PDE5A: variants seen among roughly 807,000 people sequenced by gnomAD.
PDE5A encodes cGMP-specific 3',5'-cyclic phosphodiesterase.
Under a neutral mutation model 110.2 loss-of-function variants are expected in PDE5A, and 67 were observed. That is an observed-to-expected ratio of 0.61 (90% confidence interval 0.50 to 0.75). The LOEUF (loss-of-function observed/expected upper bound fraction) is 0.75. Among genes scored for constraint, PDE5A ranks in the 30% least tolerant of loss-of-function variants. The pLI, the probability that PDE5A is intolerant of heterozygous loss-of-function variation, is 0.00. For missense variants in PDE5A, 862 were observed against 1,045.1 expected, an observed-to-expected ratio of 0.82 and a Z score of 2.42; for synonymous variants, 328 against 351.2, an observed-to-expected ratio of 0.93 and a Z score of 0.74.
chr4:119,599,229 G>A (rs962474149), intron 2 of PDE5A, among the ~76,000 whole-genome samples: 6 of 152,040 alleles, frequency 3.9e-5, no homozygotes, highest in African/African-American at 1.4e-4. Flanking sequence ...CTTTTTTAAA[G>A]GAAGAGGATA....
intron 4 of PDE5A, among the ~76,000 whole-genome samples, chr4:119,566,276 T>C (rs1015881068): frequency 1.5e-4 from 23 of 152,254 alleles, no homozygotes; most frequent in Non-Finnish European, 2.5e-4. Context: ...GCCTATAGCA[T>C]AGAGATAAAA....
rs149425806 is a variant in PDE5A, at chr4:119,600,203, G to C, written c.742-3591C>G. On this transcript the variant is annotated intron_variant, in intron 2 of 20. Transcript: ENST00000354960. ...ACATGAGTATATATATATATAAAAA[G>C]AGTAAGGAAGCCTAGTCTTTCATTT... 4.0e-3 allele frequency among the ~76,000 whole-genome samples: 599 copies of C among 149,704 alleles called. 5 individuals carry two copies. Among genetic ancestry groups the C allele is most frequent in the African/African-American group, 0.013 (548 of 41,036 alleles).
At position 119,525,780 on chromosome 4, in the gene PDE5A, A is replaced by G. The variant is rs1051353948; in HGVS notation, c.1633-85T>C. ...AGGTTTTCTTGTTTTGCTGCAGAGA[A>G]ATAGCATATTGTGGCTTTTTTTTCC... On this transcript the variant is annotated intron_variant, in intron 11 of 20. Transcript: ENST00000354960. This position sits in a 1 kb window ranked among gnomAD's most constrained non-coding sequence, Gnocchi z 4.3. The G allele has an allele frequency of 2.9e-6, 4 of 1,366,152 alleles. No homozygotes were observed. Among genetic ancestry groups the G allele is most frequent in the Non-Finnish European group, 4.0e-6 (4 of 995,076 alleles). The allele number at this position is 1,366,152 out of a possible 1,614,324, so 84.6% of individuals were successfully genotyped here. A position where few individuals can be genotyped will look rare whatever the true frequency, so the allele number is the denominator to read the frequency against.
At chr4:119,620,034 G>A (rs982621015) in intron 1 of PDE5A, among the ~76,000 whole-genome samples, 3 of 152,140 alleles carry the variant, frequency 2.0e-5, no homozygotes, top group African/African-American at 7.2e-5. Context: ...GGTGGCCCTG[G>A]CATTTAGTGT....
At chr4:119,578,342 G>A (rs566953224) in intron 3 of PDE5A, among the ~76,000 whole-genome samples, 3,159 of 151,882 alleles carry the variant, frequency 0.021, 49 homozygotes, top group Middle Eastern at 0.037. Flanking sequence ...AACTACTTTA[G>A]AGTTCATATG....
In PDE5A at chr4:119,506,399, G is replaced by T. The variant is rs1725554545; in HGVS notation, c.2190-467C>A. Among the ~76,000 whole-genome samples, 5 of 151,812 alleles carry T rather than the reference G, an allele frequency of 3.3e-5. No individual in the cohort carries two copies. The South Asian group carries it at 1.0e-3, about 32-fold the overall frequency. ...TAAAGTTTAAAATAAAATAATATTT[G>T]TTATTATTCAGTGAATATAATAATA... On this transcript the variant is annotated intron_variant, in intron 16 of 20. Coordinates refer to ENST00000354960, the MANE Select transcript of PDE5A (RefSeq NM_001083.4).
Position 119,519,087 on chromosome 4 carries a change from T to A in PDE5A, c.1958A>T (p.His653Leu). Reference protein sequence around the residue: ...ILALLIAALSHDLDHRGVNNS... With the variant: ...ILALLIAALSLDLDHRGVNNS... ...ATTCACACCACGGTGATCCAAATCG[T>A]GGCTTAGTGCAGCAATCAGCAATGC... The change falls in exon 14 of 21, where the codon CAC becomes CTC. Residue 653 changes from histidine to leucine, a missense_variant. His to Leu is a moderately conservative substitution (Grantham distance 99). Transcript: ENST00000354960. The A allele has an allele frequency of 6.2e-7, 1 of 1,613,914 alleles. No homozygotes were observed. The highest frequency in any genetic ancestry group is 8.5e-7 in the Non-Finnish European group (1 of 1,179,810).
At chr4:119,520,905 A>C in intron 13 of PDE5A, 30 bp downstream of exon 13, 2 of 1,584,326 alleles carry the variant, frequency 1.3e-6, no homozygotes, top group Non-Finnish European at 1.7e-6. Context: ...AACAAAATGT[A>C]TTAGATATAT....
In PDE5A at chr4:119,525,362, C is replaced by T. The variant is rs546571925; in HGVS notation, c.1779+187G>A. Among the ~76,000 whole-genome samples the T allele has an allele frequency of 2.0e-5, 3 of 152,048 alleles. No individual in the cohort carries two copies. Among genetic ancestry groups the T allele is most frequent in the African/African-American group, 7.2e-5 (3 of 41,486 alleles). The stretch of plus-strand genomic sequence containing the variant: ...CTGATACTTGATACATGCTAGGAGC[C>T]CATTAAATGTCTTTTTGATAATGAT... On this transcript the variant is annotated intron_variant, in intron 12 of 20. Transcript: ENST00000354960. This position sits in a 1 kb window ranked among gnomAD's most constrained non-coding sequence, Gnocchi z 4.3.
rs370843426 is a variant in PDE5A, at chr4:119,567,122, A to G, written c.854T>C (p.Ile285Thr). ...REEVVGVAQA[I>T]NKKSGNGGTF... The stretch of plus-strand genomic sequence containing the variant: ...CCCACCGTTTCCTGATTTCTTGTTG[A>G]TGGCCTGGGCTACACCAACAACCTG... The change falls in exon 4 of 21, where the codon ATC becomes ACC. Residue 285 changes from isoleucine to threonine, a missense_variant. By Grantham distance (89) the Ile-to-Thr change is moderately conservative (BLOSUM62 -1). Transcript: ENST00000354960. 6.2e-7 allele frequency: 1 copy of G among 1,613,220 alleles called. No homozygotes were observed. Among genetic ancestry groups the G allele is most frequent in the South Asian group, 1.1e-5 (1 of 91,058 alleles).
Position 119,606,828 on chromosome 4 carries a change from C to T in PDE5A, c.622G>A (p.Ala208Thr). 1 of 1,614,202 alleles carries T rather than the reference C, an allele frequency of 6.2e-7. No homozygotes were observed. Among genetic ancestry groups the T allele is most frequent in the Non-Finnish European group, 8.5e-7 (1 of 1,180,034 alleles). ...ACTTCTTCCAGTGTTGAACCTTCAG[C>T]AACATCAAAGAGGCGGCTGATAAGA... is the stretch of plus-strand genomic sequence containing the variant. ...KFLISRLFDV[A>T]EGSTLEEVSN... Residue 208 changes from alanine (A) to threonine (T), a missense_variant, in exon 2 of 21, where the codon GCT becomes ACT. Coordinates refer to ENST00000354960, the MANE Select transcript of PDE5A (RefSeq NM_001083.4).
chr4:119,570,324 A>G (rs185038864), intron 3 of PDE5A, among the ~76,000 whole-genome samples: 116 of 152,070 alleles, frequency 7.6e-4, no homozygotes, highest in African/African-American at 2.7e-3. Flanking sequence ...TTTTACTCTA[A>G]GTATATCTCA....
intron 3 of PDE5A, among the ~76,000 whole-genome samples, chr4:119,589,320 G>A (rs947011509): frequency 5.9e-5 from 9 of 151,796 alleles, no homozygotes; most frequent in African/African-American, 2.2e-4. Context: ...TAATATTTAG[G>A]GTTGGTTATA....
At chr4:119,508,130 G>C (rs1476248213) in intron 15 of PDE5A, among the ~76,000 whole-genome samples, 1 of 151,810 alleles carries the variant, frequency 6.6e-6, no homozygotes, top group African/African-American at 2.4e-5. Flanking sequence ...TAACATTTCT[G>C]GTGCAAATTT....
At chr4:119,556,007 G>A (rs892963252) in intron 7 of PDE5A, among the ~76,000 whole-genome samples, 4 of 152,220 alleles carry the variant, frequency 2.6e-5, no homozygotes, top group Middle Eastern at 3.4e-3. Context: ...GTATATGGGC[G>A]ACAAACTTAC....
chr4:119,511,068 G>A lies in PDE5A; in HGVS notation c.2067C>T (p.Cys689=), dbSNP rs760960646. The change falls in exon 15 of 21, where the codon TGC becomes TGT. Residue 689 remains cysteine, a synonymous_variant. Coordinates refer to ENST00000354960, the MANE Select transcript of PDE5A (RefSeq NM_001083.4). The part of the protein sequence containing the change: ...SIMEHHHFDQ[C]LMILNSPGNQ... Reference sequence around the variant, plus strand: ...TTACTGGACTATTAAGAATCATCAGGCACTGGTCAAAATGATGGTGTTCCA... The same window carrying A: ...TTACTGGACTATTAAGAATCATCAGACACTGGTCAAAATGATGGTGTTCCA... The A allele has an allele frequency of 6.2e-7, 1 of 1,602,924 alleles. No homozygotes were observed. Among genetic ancestry groups the A allele is most frequent in the Non-Finnish European group, 8.5e-7 (1 of 1,170,634 alleles).
chr4:119,538,906 G>T, intron 11 of PDE5A, 54 bp downstream of exon 11: 2 of 1,219,516 alleles, frequency 1.6e-6, no homozygotes, highest in Non-Finnish European at 2.4e-6. Flanking sequence ...TACCAAATTT[G>T]GTTAAATTAG....
At chr4:119,556,062 T>C (rs997400271) in intron 7 of PDE5A, among the ~76,000 whole-genome samples, 5 of 152,200 alleles carry the variant, frequency 3.3e-5, no homozygotes, top group African/African-American at 1.2e-4. Flanking sequence ...AGTAGAAGAC[T>C]GAAACAGAAT....
intron 3 of PDE5A, among the ~76,000 whole-genome samples, chr4:119,589,364 C>T (rs1728880689): frequency 6.6e-6 from 1 of 152,050 alleles, no homozygotes; most frequent in Non-Finnish European, 1.5e-5. Context: ...AAAGAACACT[C>T]ATCTTCACTA....
Sources: allele counts gnomAD v4.1 joint callset (sites outside exome capture counted in the v4.1 genomes callset), GRCh38; gene constraint gnomAD v4.1.1; non-coding constraint Gnocchi (gnomAD v3.1); transcripts MANE v1.5; gene names NCBI Gene and HGNC (gene_info 2026-07-23, HGNC 2026-07-21).